Variants in PHF20L1 observed in about 807,000 individuals in gnomAD.
The protein encoded by PHF20L1 is PHD finger protein 20 like 1.
Under a neutral mutation model 125.5 loss-of-function variants are expected in PHF20L1, and 44 were observed. The observed-to-expected ratio is 0.35, with a 90% CI of 0.28 to 0.45. The LOEUF is 0.45. Ranked by LOEUF, PHF20L1 falls within the 20% of genes least tolerant of loss-of-function variation. PHF20L1 has a pLI of 1.00. For synonymous variants in PHF20L1, 380 were observed against 403.1 expected (o/e 0.94, Z 0.69); for missense variants, 1,012 against 1,217.2 (o/e 0.83, Z 2.51).
At chr8:132,785,064 G>T (rs556936996) in intron 2 of PHF20L1, among the ~76,000 whole-genome samples, 1 of 152,264 alleles carries the variant, frequency 6.6e-6, no homozygotes, top group South Asian at 2.1e-4. Flanking sequence ...CAGGCTTACT[G>T]TGCTGTGCTT....
chr8:132,787,063 T>C (rs1006880566), intron 2 of PHF20L1, among the ~76,000 whole-genome samples: 1 of 151,780 alleles, frequency 6.6e-6, no homozygotes, highest in African/African-American at 2.4e-5. Context: ...GAAAAAACTG[T>C]ATGAAGTTCG....
chr8:132,809,162 TTATC>T (rs1434665220), intron 8 of PHF20L1: 2 of 152,092 alleles, frequency 1.3e-5, no homozygotes, highest in African/African-American at 4.8e-5. Context: ...TTTAATTTAT[TTATC>T]TATTTAGTTA....
chr8:132,814,580 C>T, intron 9 of PHF20L1, 57 bp from the exon 10 acceptor site: 2 of 1,252,642 alleles, frequency 1.6e-6, no homozygotes, highest in South Asian at 3.1e-5. Flanking sequence ...AAATAGAATA[C>T]AAGAACAAAA....
chr8:132,793,841 T>C (rs949939023), intron 2 of PHF20L1, among the ~76,000 whole-genome samples: 1 of 152,156 alleles, frequency 6.6e-6, no homozygotes, highest in Non-Finnish European at 1.5e-5. Context: ...ATAAAGACAG[T>C]GTACATGCTG....
chr8:132,832,957 C>T (rs1188159211), intron 15 of PHF20L1, among the ~76,000 whole-genome samples: 1 of 152,064 alleles, frequency 6.6e-6, no homozygotes, highest in Non-Finnish European at 1.5e-5. Flanking sequence ...GCCACGTCAG[C>T]AGTGAAGGGA....
intron 15 of PHF20L1, among the ~76,000 whole-genome samples, chr8:132,833,007 A>G (rs1296323557): frequency 6.6e-6 from 1 of 152,106 alleles, no homozygotes; most frequent in Non-Finnish European, 1.5e-5. Context: ...CTGCAGGTCC[A>G]GTCCTGACAG....
chr8:132,796,851 A>T (rs1586898937), intron 4 of PHF20L1, among the ~76,000 whole-genome samples: 1 of 152,228 alleles, frequency 6.6e-6, no homozygotes, highest in South Asian at 2.1e-4. Context: ...GGGTAATAAG[A>T]TGTACCCAAA....
At chr8:132,808,296 A>G (rs1252176313) in intron 8 of PHF20L1, 1 of 152,204 alleles carries the variant, frequency 6.6e-6, no homozygotes, top group Non-Finnish European at 1.5e-5. Context: ...TTCTCAAACC[A>G]TTAATGGAAA....
chr8:132,810,406 A>G (rs1163328274), intron 8 of PHF20L1: 1 of 152,148 alleles, frequency 6.6e-6, no homozygotes, highest in East Asian at 1.9e-4. Flanking sequence ...ACTTCTAAAA[A>G]TTTTTGTCAT....
At chr8:132,785,689 TTA>T (rs1333905335) in intron 2 of PHF20L1, among the ~76,000 whole-genome samples, 1 of 152,134 alleles carries the variant, frequency 6.6e-6, no homozygotes, top group African/African-American at 2.4e-5. Flanking sequence ...TATGCAAGTA[TTA>T]TGTTATTTCA....
intron 9 of PHF20L1, chr8:132,811,691 A>G (rs1274132033): frequency 1.0e-6 from 1 of 985,450 alleles, no homozygotes; most frequent in Non-Finnish European, 1.2e-6. Flanking sequence ...TGCAGTTGCT[A>G]GATTTTGCCT....
chr8:132,824,119 C>A, intron 13 of PHF20L1, 59 bp downstream of exon 13: 2 of 1,049,496 alleles, frequency 1.9e-6, no homozygotes, highest in Non-Finnish European at 2.9e-6. Flanking sequence ...AGAGGGAGGA[C>A]ATAGTCTGCC....
intron 19 of PHF20L1, chr8:132,843,481 A>G: frequency 1.0e-6 from 1 of 980,790 alleles, no homozygotes; most frequent in Non-Finnish European, 1.2e-6. Context: ...AGTAATTACC[A>G]TAAATAAGTA....
At chr8:132,786,480 A>G (rs1831040239) in intron 2 of PHF20L1, among the ~76,000 whole-genome samples, 1 of 152,168 alleles carries the variant, frequency 6.6e-6, no homozygotes, top group African/African-American at 2.4e-5. Context: ...TAAGAAAAAA[A>G]TAGATAACTT....
chr8:132,828,422 G>A (rs1005653317), intron 14 of PHF20L1, among the ~76,000 whole-genome samples: 1 of 151,972 alleles, frequency 6.6e-6, no homozygotes, highest in Non-Finnish European at 1.5e-5. Flanking sequence ...TGACTTACAA[G>A]TCTGAATTTT....
Position 132,804,768 on chromosome 8 carries a change from G to C in PHF20L1, c.847+28G>C, listed in dbSNP as rs773867701. ...AAACTACAATGATTTTTTTTTTGAGGGGGGGAAATGGAAGGTTTAATTTTA... is the reference window on the plus strand; with the variant it reads ...AAACTACAATGATTTTTTTTTTGAGCGGGGGAAATGGAAGGTTTAATTTTA... On this transcript the variant is annotated intron_variant, in intron 8 of 20. Coordinates refer to ENST00000395386, the MANE Select transcript of PHF20L1 (RefSeq NM_016018.5). 1.9e-6 allele frequency: 3 copies of C among 1,559,210 alleles called. No homozygotes were observed. In the African/African-American group the frequency reaches 4.2e-5, roughly 22 times the overall value.
At chr8:132,816,063 T>C (rs928970740) in intron 10 of PHF20L1, 1 of 151,902 alleles carries the variant, frequency 6.6e-6, no homozygotes, top group African/African-American at 2.4e-5. Context: ...TCAATGTCTT[T>C]AGACTGTTCT....
intron 14 of PHF20L1, among the ~76,000 whole-genome samples, chr8:132,827,102 G>GAAC: frequency 6.6e-6 from 1 of 152,044 alleles, no homozygotes; most frequent in Admixed American, 6.6e-5. Context: ...AGAGAGTCTT[G>GAAC]AACATTTCCG....
At chr8:132,836,317 AAT>A (rs1347547965) in intron 15 of PHF20L1, 1 of 363,972 alleles carries the variant, frequency 2.7e-6, no homozygotes, top group African/African-American at 2.1e-5. Flanking sequence ...AGTTACTTAT[AAT>A]AGTGTATACT....
Sources: allele counts gnomAD v4.1 joint callset (sites outside exome capture counted in the v4.1 genomes callset), GRCh38; gene constraint gnomAD v4.1.1; transcripts MANE v1.5; gene names NCBI Gene and HGNC (gene_info 2026-07-23, HGNC 2026-07-21).